The following CCAR1 variants were observed in gnomAD, a reference collection of about 807,000 sequenced individuals.
CCAR1 encodes the protein cell division cycle and apoptosis regulator 1, also known as cell division cycle and apoptosis regulator protein 1.
A neutral mutation model predicts 163.8 loss-of-function variants in CCAR1; 78 were observed. The ratio of observed to expected loss-of-function variants is 0.48; its 90% CI spans 0.40 to 0.57. The LOEUF is 0.57. Ranked by LOEUF, CCAR1 falls within the 20% of genes least tolerant of loss-of-function variation. The pLI, the probability that CCAR1 is intolerant of heterozygous loss-of-function variation, is 0.00. For missense variants in CCAR1, 1,019 were observed against 1,365.2 expected, an observed-to-expected ratio of 0.75 and a Z score of 4.00; for synonymous variants, 443 against 460.7, an observed-to-expected ratio of 0.96 and a Z score of 0.49.
At chr10:68,741,546 C>G (rs893302102) in intron 5 of CCAR1, among the ~76,000 whole-genome samples, 2 of 152,118 alleles carry the variant, frequency 1.3e-5, no homozygotes, top group African/African-American at 2.4e-5. Flanking sequence ...GTTTGCTGAT[C>G]ACTGGTTAAT....
At chr10:68,762,143 C>T (rs2056479920) in intron 16 of CCAR1, among the ~76,000 whole-genome samples, 1 of 151,738 alleles carries the variant, frequency 6.6e-6, no homozygotes, top group African/African-American at 2.4e-5. Context: ...TCCTGGCTAA[C>T]ATGGTAAAAC....
chr10:68,737,956 TAG>T, intron 4 of CCAR1, 67 bp downstream of exon 4: 2 of 1,035,924 alleles, frequency 1.9e-6, no homozygotes, highest in Middle Eastern at 2.1e-4. Context: ...GTTCAATTGA[TAG>T]AGAGTTTTAT....
chr10:68,743,567 C>G lies in CCAR1; in HGVS notation c.518+998C>G, dbSNP rs181516249. ...TTCTTTTCTTTTTTCTTTTTTCAGA[C>G]AGTCTCATTCTGTCACCCAGGCTAG... On this transcript the variant is annotated intron_variant, in intron 6 of 24. Coordinates refer to ENST00000265872, the MANE Select transcript of CCAR1 (RefSeq NM_018237.4). Among the ~76,000 whole-genome samples the G allele has an allele frequency of 2.0e-5, 3 of 151,018 alleles. No individual in the cohort carries two copies. In the East Asian group the frequency reaches 5.9e-4, roughly 29 times the overall value.
chr10:68,790,437 A>C (rs1318694699), intron 24 of CCAR1, among the ~76,000 whole-genome samples: 1 of 152,050 alleles, frequency 6.6e-6, no homozygotes, highest in Non-Finnish European at 1.5e-5. Flanking sequence ...AAGTATACAG[A>C]CTTCTTGAAG....
At chr10:68,749,061 C>T (rs1471062710) in intron 8 of CCAR1, 75 bp from the exon 9 acceptor site, 1 of 1,545,056 alleles carries the variant, frequency 6.5e-7, no homozygotes, top group Non-Finnish European at 8.8e-7. Context: ...TAACTTTGTT[C>T]CTCTAATTTT....
chr10:68,777,215 C>T (rs138908364), intron 19 of CCAR1, among the ~76,000 whole-genome samples: 67 of 152,340 alleles, frequency 4.4e-4, no homozygotes, highest in African/African-American at 1.4e-3. Flanking sequence ...GCCACATTAT[C>T]TCTTGCCTAG....
chr10:68,729,543 A>C (rs2056003808), intron 2 of CCAR1, among the ~76,000 whole-genome samples: 1 of 151,908 alleles, frequency 6.6e-6, no homozygotes, highest in Non-Finnish European at 1.5e-5. Context: ...TGCTGGGATT[A>C]CAGGTGTGAG....
chr10:68,784,669 C>T (rs2056775352), intron 19 of CCAR1, among the ~76,000 whole-genome samples: 1 of 152,092 alleles, frequency 6.6e-6, no homozygotes, highest in Non-Finnish European at 1.5e-5. Flanking sequence ...CCACGTCTGC[C>T]TCCCAAGTAG....
intron 17 of CCAR1, 107 bp downstream of exon 17, chr10:68,766,186 G>GTT (rs138575452): frequency 2.8e-6 from 2 of 716,924 alleles, no homozygotes; most frequent in African/African-American, 3.7e-5. Context: ...GCTTTTCGTG[G>GTT]TTTTTTTTGT....
At chr10:68,767,850 G>A (rs1241447036) in intron 17 of CCAR1, among the ~76,000 whole-genome samples, 2 of 152,160 alleles carry the variant, frequency 1.3e-5, no homozygotes, top group East Asian at 1.9e-4. Context: ...TTTACATCAT[G>A]TAGTTTAGTT....
At chr10:68,773,753 C>A (rs1312092967) in intron 19 of CCAR1, among the ~76,000 whole-genome samples, 1 of 152,082 alleles carries the variant, frequency 6.6e-6, no homozygotes, top group East Asian at 1.9e-4. Context: ...ACTGTATTAC[C>A]CAGGCTGGAG....
At chr10:68,766,488 C>T (rs1317478161) in intron 17 of CCAR1, among the ~76,000 whole-genome samples, 1 of 151,620 alleles carries the variant, frequency 6.6e-6, no homozygotes, top group African/African-American at 2.4e-5. Context: ...CAGGTGTGAG[C>T]CACCATGCCC....
intron 10 of CCAR1, among the ~76,000 whole-genome samples, chr10:68,752,925 T>TAGAC (rs1223871026): frequency 1.3e-5 from 2 of 150,566 alleles, no homozygotes; most frequent in East Asian, 4.0e-4. Flanking sequence ...GATAGATAGA[T>TAGAC]AGATAGATAG....
At chr10:68,763,338 A>G (rs2056498012) in intron 16 of CCAR1, among the ~76,000 whole-genome samples, 1 of 151,492 alleles carries the variant, frequency 6.6e-6, no homozygotes, top group Admixed American at 6.6e-5. Context: ...TTTAGTAGAG[A>G]CGGGGTTTTG....
chr10:68,773,055 A>G lies in CCAR1; in HGVS notation c.2606A>G (p.Glu869Gly). 1 of 1,569,330 alleles carries G rather than the reference A, an allele frequency of 6.4e-7. No homozygotes were observed. Among genetic ancestry groups the G allele is most frequent in the Non-Finnish European group, 8.7e-7 (1 of 1,153,118 alleles). The change falls in exon 19 of 25, where the codon GAA (glutamate) becomes GGA (glycine). Residue 869 changes from glutamate to glycine, a missense_variant. Glu to Gly is a moderately conservative substitution (Grantham distance 98). Around this residue, in one of 4 missense-constraint regions of CCAR1, gnomAD observed 358 missense variants for 406.4 expected, o/e 0.88. Coordinates refer to ENST00000265872, the MANE Select transcript of CCAR1 (RefSeq NM_018237.4). ...ACTGAAGAAGATAACAATCAAGATG[A>G]ATATGACCCTATGGAAGCAGAAGAA... ...DETEEDNNQD[E>G]YDPMEAEEAE...
intron 19 of CCAR1, among the ~76,000 whole-genome samples, chr10:68,782,258 T>C (rs368800174): frequency 1.8e-4 from 27 of 152,034 alleles, no homozygotes; most frequent in East Asian, 1.5e-3. Context: ...GGTGGATTCA[T>C]GAGGTTTAAG....
At chr10:68,768,593 A>C (rs567503469) in intron 17 of CCAR1, among the ~76,000 whole-genome samples, 1 of 152,348 alleles carries the variant, frequency 6.6e-6, no homozygotes, top group Admixed American at 6.5e-5. Flanking sequence ...CCTGGGCAAC[A>C]GAGCGAGACT....
intron 8 of CCAR1, 145 bp from the exon 9 acceptor site, chr10:68,748,991 T>TA: frequency 1.1e-6 from 1 of 922,256 alleles, no homozygotes; most frequent in Non-Finnish European, 1.6e-6. Flanking sequence ...ACCTATTCTT[T>TA]AAAAATATAT....
rs1457032090 is a variant in CCAR1, at chr10:68,763,834, A to G, written c.2107-2054A>G. ...TTATGTGCCCTTTTGACATACCTTC[A>G]TCACTTTTTGAGGACTTCTTTACTT... is the stretch of plus-strand genomic sequence containing the variant. On this transcript the variant is annotated intron_variant, in intron 16 of 24. Coordinates refer to ENST00000265872, the MANE Select transcript of CCAR1 (RefSeq NM_018237.4). 3.9e-5 allele frequency among the ~76,000 whole-genome samples: 6 copies of G among 152,318 alleles called. No individual in the cohort carries two copies. In the East Asian group the frequency reaches 7.7e-4, roughly 20 times the overall value.
Sources: gnomAD v4.1 joint callset for allele counts (sites outside exome capture counted in the v4.1 genomes callset) on GRCh38, gnomAD v4.1.1 for gene constraint, gnomAD v4.1.1 regional missense constraint, MANE v1.5 for transcripts, NCBI Gene and HGNC (gene_info 2026-07-23, HGNC 2026-07-21) for gene names.